The following DNAH12 variants were observed in gnomAD, a reference collection of about 807,000 sequenced individuals.
DNAH12 encodes dynein axonemal heavy chain 12.
DNAH12 carries 285 observed loss-of-function variants against 371.5 expected under a neutral mutation model. That is an observed-to-expected ratio of 0.77 (90% CI 0.70 to 0.85). The LOEUF (loss-of-function observed/expected upper bound fraction) is 0.85. Ranked by LOEUF, DNAH12 falls within the 40% of genes least tolerant of loss-of-function variation. The probability of loss-of-function intolerance (pLI) is 0.00; values close to 1 mark genes in which losing one functional copy is unlikely to be tolerated. For synonymous variants in DNAH12, 1,200 were observed against 1,213.0 expected (o/e 0.99, Z 0.22); for missense variants, 3,611 against 3,689.4 (o/e 0.98, Z 0.55).
At chr3:57,297,918 T>C (rs1350547741) in intron 70 of DNAH12, among the ~76,000 whole-genome samples, 1 of 152,194 alleles carries the variant, frequency 6.6e-6, no homozygotes, top group Non-Finnish European at 1.5e-5. Flanking sequence ...CCTCTTGGTC[T>C]CCTATTCAAG....
Position 57,310,972 on chromosome 3 carries a change from A to T in DNAH12, c.10663-22T>A. 4 of 1,478,326 alleles carry T rather than the reference A, an allele frequency of 2.7e-6. No homozygotes were observed. In the South Asian group the frequency reaches 4.9e-5, roughly 18 times the overall value. 91.6% of individuals were successfully genotyped at this position (1,478,326 alleles called of 1,614,324 possible). ...ATAACTGAAGCAAAGGAAAAATGAA[A>T]CAAGAAAAACCTTAAAGTATTTCAC... is the stretch of plus-strand genomic sequence containing the variant. On this transcript the variant is annotated intron_variant, in intron 66 of 73. Coordinates refer to ENST00000495027, the MANE Select transcript of DNAH12 (RefSeq NM_001366028.2).
In DNAH12 at chr3:57,375,409, G is replaced by A. The variant is rs1213767360; in HGVS notation, c.8721C>T (p.Ser2907=). The A allele has an allele frequency of 1.3e-5, 2 of 152,076 alleles. No individual in the cohort carries two copies. Among genetic ancestry groups the A allele is most frequent in the Non-Finnish European group, 2.9e-5 (2 of 67,998 alleles). The allele number at this position is 152,076 out of a possible 1,614,324, so 9.4% of individuals were successfully genotyped here. A position where few individuals can be genotyped will look rare whatever the true frequency, so the allele number is the denominator to read the frequency against. Residue 2907 remains serine, a synonymous_variant, in exon 55 of 74, where the codon TCC becomes TCT. Coordinates refer to ENST00000495027, the MANE Select transcript of DNAH12 (RefSeq NM_001366028.2). ...NIAGLPTDTF[S]IDNGVIVNNC... ...TGTTAACGATCACTCCGTTATCTAT[G>A]GAAAATGTATCTGTTGGTAAACCAG...
At chr3:57,484,689 G>A (rs2153384154) in intron 12 of DNAH12, among the ~76,000 whole-genome samples, 1 of 152,150 alleles carries the variant, frequency 6.6e-6, no homozygotes, top group East Asian at 1.9e-4. Flanking sequence ...ATAAATAAAT[G>A]GGACCTAATT....
At chr3:57,414,612 T>A (rs1013387121) in intron 38 of DNAH12, among the ~76,000 whole-genome samples, 1 of 152,210 alleles carries the variant, frequency 6.6e-6, no homozygotes, top group African/African-American at 2.4e-5. Flanking sequence ...CAACAATGTA[T>A]CTATTAATTT....
At chr3:57,301,673 A>G (rs1202380349) in intron 70 of DNAH12, 62 bp downstream of exon 70, 6 of 1,461,874 alleles carry the variant, frequency 4.1e-6, no homozygotes, top group Non-Finnish European at 5.5e-6. Flanking sequence ...TTATACATGT[A>G]TTTTACACAC....
At position 57,530,668 on chromosome 3, in the gene DNAH12, C is replaced by T. The variant is rs79722837; in HGVS notation, c.171-6784G>A. On this transcript the variant is annotated intron_variant, in intron 2 of 73. Transcript: ENST00000495027. The stretch of plus-strand genomic sequence containing the variant: ...CAGTAGAGTGTGCTGTCACTGAGCA[C>T]GATGCAGTTCTTCAATAGCATCTTG... 4,159 of 450,154 alleles carry T rather than the reference C, an allele frequency of 9.2e-3. 145 individuals carry two copies. Among genetic ancestry groups the T allele is most frequent in the African/African-American group, 0.071 (3,609 of 50,924 alleles). The allele number at this position is 450,154 out of a possible 1,614,324, so 27.9% of individuals were successfully genotyped here. A position where few individuals can be genotyped will look rare whatever the true frequency, so the allele number is the denominator to read the frequency against.
At chr3:57,538,332 T>TAATCACCTGAAGCACTAC (rs2069140202) in intron 2 of DNAH12, among the ~76,000 whole-genome samples, 1 of 65,096 alleles carries the variant, frequency 1.5e-5, no homozygotes, top group Admixed American at 2.0e-4. Context: ...TACAGCACTA[T>TAATCACCTGAAGCACTAC]GCTTCAGGTA....
chr3:57,480,315 A>G (rs918992101), intron 13 of DNAH12, among the ~76,000 whole-genome samples: 7 of 152,192 alleles, frequency 4.6e-5, no homozygotes, highest in African/African-American at 1.7e-4. Context: ...AAACTAGAAA[A>G]TCTAGAAGAA....
rs782101998 is a variant in DNAH12 at position 57,404,956 on chromosome 3, C to CCT, written c.6755+12_6755+13insAG. ...AGATAGCAATTTCAAGCATCAACACCATATATAGGTACCTAAAAATGACAA... is the reference window on the plus strand; with the variant it reads ...AGATAGCAATTTCAAGCATCAACACCCTATATATAGGTACCTAAAAATGACAA... On this transcript the variant is annotated intron_variant, in intron 42 of 73. Transcript: ENST00000495027. 2 of 1,491,462 alleles carry CCT rather than the reference C, an allele frequency of 1.3e-6. No individual in the cohort carries two copies. Among genetic ancestry groups the CCT allele is most frequent in the South Asian group, 2.8e-5 (2 of 71,792 alleles). The allele number at this position is 1,491,462 out of a possible 1,614,324, so 92.4% of individuals were successfully genotyped here.
At chr3:57,509,051 C>A (rs2067885354) in intron 6 of DNAH12, 89 bp downstream of exon 6, 1 of 1,150,326 alleles carries the variant, frequency 8.7e-7, no homozygotes, top group Admixed American at 2.3e-5. Flanking sequence ...CTTTGAGCAT[C>A]ACAATTGTAT....
chr3:57,476,431 G>A (rs1196077982), intron 13 of DNAH12, among the ~76,000 whole-genome samples: 1 of 152,142 alleles, frequency 6.6e-6, no homozygotes, highest in East Asian at 1.9e-4. Context: ...AGGCGTGGTG[G>A]CGGGTGCCTG....
At chr3:57,295,355 TACAC>T (rs1455656427) in intron 73 of DNAH12, among the ~76,000 whole-genome samples, 166 bp downstream of exon 73, 13 of 152,184 alleles carry the variant, frequency 8.5e-5, no homozygotes, top group African/African-American at 3.1e-4. Context: ...ATAAATGCCA[TACAC>T]ACAAAGAGAT....
At chr3:57,433,054 A>G (rs573131005) in intron 32 of DNAH12, among the ~76,000 whole-genome samples, 5 of 152,206 alleles carry the variant, frequency 3.3e-5, no homozygotes, top group Admixed American at 2.6e-4. Flanking sequence ...ATTTTATCCT[A>G]AAATACTGAA....
At chr3:57,401,276 G>A (rs904145175) in intron 43 of DNAH12, among the ~76,000 whole-genome samples, 5 of 151,790 alleles carry the variant, frequency 3.3e-5, no homozygotes, top group Non-Finnish European at 5.9e-5. Flanking sequence ...GAGGCCAGAC[G>A]CGGTGGCTGA....
chr3:57,409,875 G>C (rs1553682467), intron 39 of DNAH12, among the ~76,000 whole-genome samples: 1 of 152,108 alleles, frequency 6.6e-6, no homozygotes, highest in Non-Finnish European at 1.5e-5. Flanking sequence ...CCATAAATTG[G>C]TGTGGGGAGA....
At chr3:57,422,580 A>C (rs1441943545) in intron 35 of DNAH12, among the ~76,000 whole-genome samples, 1 of 152,184 alleles carries the variant, frequency 6.6e-6, no homozygotes, top group Admixed American at 6.6e-5. Context: ...AGGAAGAAGG[A>C]TTGCTTGAGG....
At chr3:57,375,701 C>A (rs2063267911) in intron 54 of DNAH12, 117 bp downstream of exon 54, 2 of 151,888 alleles carry the variant, frequency 1.3e-5, no homozygotes, top group Admixed American at 6.6e-5. Context: ...AAAAGAAAGA[C>A]CCCATGTTTT....
chr3:57,461,834 T>C (rs559333302), intron 18 of DNAH12, 145 bp from the exon 19 acceptor site: 1 of 682,828 alleles, frequency 1.5e-6, no homozygotes, highest in Admixed American at 3.0e-5. Context: ...TATAACTTTT[T>C]AAGTTAGAAG....
At chr3:57,533,412 C>A (rs1388495908) in intron 2 of DNAH12, among the ~76,000 whole-genome samples, 1 of 152,208 alleles carries the variant, frequency 6.6e-6, no homozygotes, top group Non-Finnish European at 1.5e-5. Context: ...TGGCATCTGT[C>A]ACCATAGCCA....
Sources: gnomAD v4.1 joint callset for allele counts (sites outside exome capture counted in the v4.1 genomes callset) on GRCh38, gnomAD v4.1.1 for gene constraint, MANE v1.5 for transcripts, NCBI Gene and HGNC (gene_info 2026-07-23, HGNC 2026-07-21) for gene names.